The following DLGAP2 variants were observed in gnomAD, a reference collection of about 807,000 sequenced individuals.
The protein encoded by DLGAP2 is disks large-associated protein 2.
A neutral mutation model predicts 100.3 loss-of-function variants in DLGAP2; 26 were observed. That is an observed-to-expected ratio of 0.26 (90% CI 0.19 to 0.36). The LOEUF is 0.36. Among genes scored for constraint, DLGAP2 ranks in the 10% least tolerant of loss-of-function variants. DLGAP2 has a pLI of 1.00. For missense variants in DLGAP2, 1,858 were observed against 1,453.2 expected (o/e 1.28, Z -4.53); for synonymous variants, 886 against 630.1 (o/e 1.41, Z -6.08).
intron 1 of DLGAP2, among the ~76,000 whole-genome samples, chr8:771,436 T>A (rs1821357550): frequency 6.6e-6 from 1 of 152,230 alleles, no homozygotes; most frequent in Non-Finnish European, 1.5e-5. Context: ...TAAAAGGGTT[T>A]TATCCTCTTT....
chr8:863,157 G>T (rs1585946538), intron 1 of DLGAP2, among the ~76,000 whole-genome samples: 1 of 152,186 alleles, frequency 6.6e-6, no homozygotes. Flanking sequence ...GGCCAAGGAG[G>T]TTCAGAGACA....
chr8:1,455,924 C>A (rs184304611), intron 3 of DLGAP2, among the ~76,000 whole-genome samples: 15 of 152,326 alleles, frequency 9.8e-5, no homozygotes, highest in Non-Finnish European at 2.1e-4. Flanking sequence ...ATCAACATGA[C>A]TGAGAGGCTG....
At chr8:860,958 G>A (rs771055812) in intron 1 of DLGAP2, among the ~76,000 whole-genome samples, 15 of 152,164 alleles carry the variant, frequency 9.9e-5, no homozygotes, top group Non-Finnish European at 1.8e-4. Flanking sequence ...GGTGAGAGCC[G>A]TGCCTGTCCC....
At chr8:1,600,731 T>C (rs1796598486) in intron 6 of DLGAP2, among the ~76,000 whole-genome samples, 1 of 152,210 alleles carries the variant, frequency 6.6e-6, no homozygotes, top group African/African-American at 2.4e-5. Context: ...ATCAGGTAAT[T>C]TATGTTCTTC....
chr8:1,272,160 A>G (rs1394095861), intron 3 of DLGAP2, among the ~76,000 whole-genome samples: 1 of 152,228 alleles, frequency 6.6e-6, no homozygotes, highest in African/African-American at 2.4e-5. Context: ...AAAAAATAAG[A>G]AAGTTGATGT....
chr8:929,872 G>T (rs1039308376), intron 2 of DLGAP2, among the ~76,000 whole-genome samples: 2 of 151,636 alleles, frequency 1.3e-5, no homozygotes, highest in South Asian at 4.2e-4. Flanking sequence ...ACACATTAGT[G>T]CAGGATGGAA....
intron 12 of DLGAP2, among the ~76,000 whole-genome samples, chr8:1,681,704 G>C (rs887763009): frequency 6.6e-6 from 1 of 152,200 alleles, no homozygotes; most frequent in Non-Finnish European, 1.5e-5. Context: ...TGATATGTCA[G>C]GCCCTGTGCC....
intron 2 of DLGAP2, among the ~76,000 whole-genome samples, chr8:1,188,591 A>G (rs555583366): frequency 6.9e-6 from 1 of 145,590 alleles, no homozygotes; most frequent in Non-Finnish European, 1.5e-5. Flanking sequence ...AATCTCACAC[A>G]CCCGGGACGT....
Position 1,498,205 on chromosome 8 carries a change from C to T in DLGAP2, c.107-3161C>T, listed in dbSNP as rs989190782. On this transcript the variant is annotated intron_variant, in intron 3 of 14. Coordinates refer to ENST00000637795, the MANE Select transcript of DLGAP2 (RefSeq NM_001346810.2). Reference sequence around the variant, plus strand: ...GTGAAGATAAGGGGTTGTGGAGATGCAGTTCCCACCGTGCAGAGGAAGCCT... The same window carrying T: ...GTGAAGATAAGGGGTTGTGGAGATGTAGTTCCCACCGTGCAGAGGAAGCCT... Among the ~76,000 whole-genome samples the T allele has an allele frequency of 2.0e-5, 3 of 152,214 alleles. No homozygotes were observed. The East Asian group carries it at 5.8e-4, about 29-fold the overall frequency.
chr8:1,239,921 C>T (rs1172532932), intron 2 of DLGAP2, among the ~76,000 whole-genome samples: 743 of 85,886 alleles, frequency 8.7e-3, no homozygotes, highest in Non-Finnish European at 0.011. Context: ...TCTCACATGG[C>T]ACCGTGTCTA....
chr8:951,631 GCTCA>G (rs1799482323), intron 2 of DLGAP2, among the ~76,000 whole-genome samples: 1 of 152,166 alleles, frequency 6.6e-6, no homozygotes, highest in Non-Finnish European at 1.5e-5. Flanking sequence ...CCTAGTTCAT[GCTCA>G]CTATTTTTAA....
Position 1,668,376 on chromosome 8 carries a change from C to G in DLGAP2, c.1858C>G (p.Arg620Gly). 6.3e-7 allele frequency: 1 copy of G among 1,584,034 alleles called. No individual in the cohort carries two copies. Among genetic ancestry groups the G allele is most frequent in the Non-Finnish European group, 8.6e-7 (1 of 1,165,476 alleles). Residue 620 changes from arginine to glycine, a missense_variant, in exon 9 of 15, where the codon CGG becomes GGG. By Grantham distance (125) the Arg-to-Gly change is moderately radical. Coordinates refer to ENST00000637795, the MANE Select transcript of DLGAP2 (RefSeq NM_001346810.2). ...GAAAACGCCCCCACCGGTGCCCCCT[C>G]GGACCACCTCCAAGCCTCTGATCTC... ...YKKTPPPVPP[R>G]TTSKPLISVT...
At chr8:1,227,154 A>ATATATATATATATAC (rs1798435915) in intron 2 of DLGAP2, among the ~76,000 whole-genome samples, 2 of 72,762 alleles carry the variant, frequency 2.7e-5, no homozygotes, top group African/African-American at 4.5e-5. Flanking sequence ...AAACTGTGAG[A>ATATATATATATATAC]TATATATATA....
intron 3 of DLGAP2, among the ~76,000 whole-genome samples, chr8:1,420,666 C>G (rs113424760): frequency 6.7e-4 from 102 of 152,280 alleles, no homozygotes; most frequent in African/African-American, 2.3e-3. Context: ...CGACTGCATT[C>G]CCTCTCGCCA....
Position 1,701,264 on chromosome 8 carries a change from T to C in DLGAP2, c.3026T>C (p.Leu1009Pro), listed in dbSNP as rs907523366. Residue 1009 changes from leucine to proline, a missense_variant, in exon 15 of 15, where the codon CTG becomes CCG. By Grantham distance (98) the Leu-to-Pro change is moderately conservative. Transcript: ENST00000637795. ...GKFPITREKS[L>P]DLPDRQRQEA... The stretch of plus-strand genomic sequence containing the variant: ...TTTCCCATCACAAGAGAAAAATCCC[T>C]GGACCTGCCCGACAGACAACGCCAG... 6.3e-7 allele frequency: 1 copy of C among 1,582,472 alleles called. No homozygotes were observed.
chr8:1,541,948 AT>A (rs1355305901), intron 4 of DLGAP2, among the ~76,000 whole-genome samples: 1 of 152,220 alleles, frequency 6.6e-6, no homozygotes, highest in African/African-American at 2.4e-5. Flanking sequence ...AGAGATGTAT[AT>A]GACTGTCACA....
intron 2 of DLGAP2, among the ~76,000 whole-genome samples, chr8:1,216,031 G>C (rs1019449978): frequency 6.6e-6 from 1 of 152,184 alleles, no homozygotes; most frequent in African/African-American, 2.4e-5. Flanking sequence ...GCAGTGCTTG[G>C]GAGGAGCTTT....
chr8:1,561,634 C>T (rs1311305726), intron 5 of DLGAP2, among the ~76,000 whole-genome samples: 2 of 152,196 alleles, frequency 1.3e-5, no homozygotes, highest in African/African-American at 4.8e-5. Context: ...CAGCTGTGAT[C>T]CACCTGCACC....
At chr8:1,430,282 A>G (rs1445270848) in intron 3 of DLGAP2, among the ~76,000 whole-genome samples, 2 of 151,888 alleles carry the variant, frequency 1.3e-5, no homozygotes. Flanking sequence ...CCTCCTTGCT[A>G]AAAATAAGAA....
Sources: allele counts gnomAD v4.1 joint callset (sites outside exome capture counted in the v4.1 genomes callset), GRCh38; gene constraint gnomAD v4.1.1; transcripts MANE v1.5; gene names NCBI Gene and HGNC (gene_info 2026-07-23, HGNC 2026-07-21).